ILK: variants seen among roughly 807,000 people sequenced by gnomAD.
The protein encoded by ILK is scaffold protein ILK.
A neutral mutation model predicts 57.8 loss-of-function variants in ILK; 37 were observed. The ratio of observed to expected loss-of-function variants is 0.64; its 90% CI spans 0.49 to 0.84. The LOEUF is 0.84. ILK is among the 40% of genes least tolerant of loss of function. ILK has a pLI of 0.00. For synonymous variants in ILK, 231 were observed against 202.2 expected (o/e 1.14, Z -1.21); for missense variants, 528 against 595.7 (o/e 0.89, Z 1.18).
rs777569798 is a variant in ILK, at chr11:6,608,415, A to G, written c.277A>G (p.Ile93Val). 2.7e-5 allele frequency: 43 copies of G among 1,614,080 alleles called. No homozygotes were observed. Among genetic ancestry groups the G allele is most frequent in the Admixed American group, 8.3e-5 (5 of 60,014 alleles). Reference sequence around the variant, plus strand: ...CCAGCTATTGCAGTACAAGGCAGACATCAATGCAGTGAATGAACACGGGAA... The same window carrying G: ...CCAGCTATTGCAGTACAAGGCAGACGTCAATGCAGTGAATGAACACGGGAA... ...VQKLLQYKAD[I>V]NAVNEHGNVP... Residue 93 changes from isoleucine to valine, a missense_variant, in exon 4 of 13, where the codon ATC becomes GTC. Ile to Val is a conservative substitution (Grantham distance 29). Transcript: ENST00000299421. The surrounding 1 kb of genome is among the most constrained non-coding windows in gnomAD (Gnocchi z 4.9).
chr11:6,605,606 C>T (rs1854817295), intron 2 of ILK, among the ~76,000 whole-genome samples: 1 of 151,620 alleles, frequency 6.6e-6, no homozygotes, highest in Non-Finnish European at 1.5e-5. Flanking sequence ...ATTTCATCAC[C>T]CAGGTATTAA....
Position 6,608,552 on chromosome 11 carries a change from AT to A in ILK, c.351+67del. On this transcript the variant is annotated intron_variant, in intron 4 of 12. Coordinates refer to ENST00000299421, the MANE Select transcript of ILK (RefSeq NM_004517.4). This position sits in a 1 kb window ranked among gnomAD's most constrained non-coding sequence, Gnocchi z 4.9. ...AGTAAAGTCTGAGCCTTGGTGGGAG[AT>A]TTTGGAACCCTCAACCCATTCTGTC... 1 of 1,461,962 alleles carries A rather than the reference AT, an allele frequency of 6.8e-7. No individual in the cohort carries two copies. Among genetic ancestry groups the A allele is most frequent in the Non-Finnish European group, 9.6e-7 (1 of 1,041,574 alleles). The allele number at this position is 1,461,962 out of a possible 1,614,324, so 90.6% of individuals were successfully genotyped here.
chr11:6,609,238 GT>G, intron 7 of ILK, 60 bp from the exon 8 acceptor site: 1 of 1,603,188 alleles, frequency 6.2e-7, no homozygotes, highest in East Asian at 2.2e-5. Flanking sequence ...TTTTCCTCCA[GT>G]TAGTGGGCAA....
intron 2 of ILK, chr11:6,607,234 C>G (rs1159494115): frequency 6.6e-6 from 1 of 152,210 alleles, no homozygotes; most frequent in Non-Finnish European, 1.5e-5. Context: ...AGGCCCAGCT[C>G]CAAACCAATT....
chr11:6,608,423 A>G lies in ILK; in HGVS notation c.285A>G (p.Ala95=). Reference sequence around the variant, plus strand: ...TGCAGTACAAGGCAGACATCAATGCAGTGAATGAACACGGGAATGTGCCCC... The same window carrying G: ...TGCAGTACAAGGCAGACATCAATGCGGTGAATGAACACGGGAATGTGCCCC... The part of the protein sequence containing the change: ...KLLQYKADIN[A]VNEHGNVPLH... The change falls in exon 4 of 13, where the codon GCA becomes GCG. Residue 95 remains alanine (A), a synonymous_variant. Coordinates refer to ENST00000299421, the MANE Select transcript of ILK (RefSeq NM_004517.4). This position sits in a 1 kb window ranked among gnomAD's most constrained non-coding sequence, Gnocchi z 4.9. 1 of 1,614,220 alleles carries G rather than the reference A, an allele frequency of 6.2e-7. No homozygotes were observed. Among genetic ancestry groups the G allele is most frequent in the Non-Finnish European group, 8.5e-7 (1 of 1,180,012 alleles).
chr11:6,604,161 A>G lies in ILK; in HGVS notation c.-92-19A>G, dbSNP rs983781321. Reference sequence around the variant, plus strand: ...AGCTCAGGCCCCCTACCCCCAACACAAACACTTCTCTCCTGTAGAGGATAA... The same window carrying G: ...AGCTCAGGCCCCCTACCCCCAACACGAACACTTCTCTCCTGTAGAGGATAA... On this transcript the variant is annotated intron_variant, in intron 1 of 12. Transcript: ENST00000299421. The G allele has an allele frequency of 9.8e-7, 1 of 1,020,186 alleles. No individual in the cohort carries two copies. The highest frequency in any genetic ancestry group is 1.6e-5 in the African/African-American group (1 of 62,990). The allele number at this position is 1,020,186 out of a possible 1,614,324, so 63.2% of individuals were successfully genotyped here.
Position 6,603,822 on chromosome 11 carries a change from G to T in ILK, c.-93G>T. On this transcript the variant is annotated splice_region_variant and 5_prime_UTR_variant, in exon 1 of 13. Coordinates refer to ENST00000299421, the MANE Select transcript of ILK (RefSeq NM_004517.4). ...AGAAGGATCCTGCAGCCCGAGTCCC[G>T]GTGAGTGCGAGAGGACCCGCGCCCC... is the stretch of plus-strand genomic sequence containing the variant. 1 of 350,206 alleles carries T rather than the reference G, an allele frequency of 2.9e-6. No homozygotes were observed. Among genetic ancestry groups the T allele is most frequent in the South Asian group, 4.6e-5 (1 of 21,682 alleles). The allele number at this position is 350,206 out of a possible 1,614,324, so 21.7% of individuals were successfully genotyped here. A position where few individuals can be genotyped will look rare whatever the true frequency, so the allele number is the denominator to read the frequency against.
rs972394683 is a variant in ILK, at chr11:6,603,791, C to T, written c.-124C>T. The T allele has an allele frequency of 5.5e-6, 2 of 366,554 alleles. No individual in the cohort carries two copies. Among genetic ancestry groups the T allele is most frequent in the East Asian group, 5.1e-5 (1 of 19,580 alleles). The allele number at this position is 366,554 out of a possible 1,614,324, so 22.7% of individuals were successfully genotyped here. On this transcript the variant is annotated 5_prime_UTR_variant, in exon 1 of 13. Coordinates refer to ENST00000299421, the MANE Select transcript of ILK (RefSeq NM_004517.4). The stretch of plus-strand genomic sequence containing the variant: ...CTGCGGGCGCGGCCGGACGGGAGTT[C>T]CCCGGAGAAGGATCCTGCAGCCCGA...
At position 6,610,665 on chromosome 11, in the gene ILK, T is replaced by C. The variant is rs929085162; in HGVS notation, c.*54T>C. The stretch of plus-strand genomic sequence containing the variant: ...AGGTGTCGGGACATGGTTGGGGGAA[T>C]GCACCTCCCCAAAGCAGCAGGCCTC... On this transcript the variant is annotated 3_prime_UTR_variant, in exon 13 of 13. Coordinates refer to ENST00000299421, the MANE Select transcript of ILK (RefSeq NM_004517.4). 12 of 1,606,782 alleles carry C rather than the reference T, an allele frequency of 7.5e-6. No homozygotes were observed. Among genetic ancestry groups the C allele is most frequent in the South Asian group, 4.4e-5 (4 of 90,698 alleles).
In ILK at chr11:6,603,825, G is replaced by T; in HGVS notation, c.-93+3G>T. The T allele has an allele frequency of 2.9e-6, 1 of 349,318 alleles. No homozygotes were observed. The highest frequency in any genetic ancestry group is 4.6e-5 in the South Asian group (1 of 21,666). The allele number at this position is 349,318 out of a possible 1,614,324, so 21.6% of individuals were successfully genotyped here. ...AGGATCCTGCAGCCCGAGTCCCGGT[G>T]AGTGCGAGAGGACCCGCGCCCCCTG... On this transcript the variant is annotated splice_donor_region_variant and intron_variant, in intron 1 of 12. Coordinates refer to ENST00000299421, the MANE Select transcript of ILK (RefSeq NM_004517.4).
At chr11:6,604,116 C>T in intron 1 of ILK, 64 bp from the exon 2 acceptor site, 2 of 703,180 alleles carry the variant, frequency 2.8e-6, no homozygotes, top group Admixed American at 2.1e-5. Context: ...CCTTCACAGA[C>T]CCCCACTAGC....
chr11:6,610,086 G>A (rs189189482), intron 11 of ILK, 51 bp downstream of exon 11: 24 of 1,614,156 alleles, frequency 1.5e-5, no homozygotes, highest in Admixed American at 8.3e-5. Flanking sequence ...CTCAGAAGTA[G>A]TGGAAGGGGG....
At position 6,608,658 on chromosome 11, in the gene ILK, G is replaced by A; in HGVS notation, c.352-36G>A. 2 of 1,543,942 alleles carry A rather than the reference G, an allele frequency of 1.3e-6. No homozygotes were observed. The highest frequency in any genetic ancestry group is 1.8e-6 in the Non-Finnish European group (2 of 1,115,826). ...TGGTTCAGTGACTGCCAGCGAGGTAGCAGTGGCTCTCATCATAATGGCCTT... is the reference window on the plus strand; with the variant it reads ...TGGTTCAGTGACTGCCAGCGAGGTAACAGTGGCTCTCATCATAATGGCCTT... On this transcript the variant is annotated intron_variant, in intron 4 of 12. Transcript: ENST00000299421. This position sits in a 1 kb window ranked among gnomAD's most constrained non-coding sequence, Gnocchi z 4.9.
In ILK at chr11:6,610,730, C is replaced by G; in HGVS notation, c.*119C>G. 5.2e-6 allele frequency: 7 copies of G among 1,356,884 alleles called. No homozygotes were observed. Among genetic ancestry groups the G allele is most frequent in the Non-Finnish European group, 7.3e-6 (7 of 958,790 alleles). 84.1% of individuals were successfully genotyped at this position (1,356,884 alleles called of 1,614,324 possible). ...GCCTCCAGTCATGGTACTACCCCAG[C>G]CATGGGGTCCATCCCCTTCCCCCAT... On this transcript the variant is annotated 3_prime_UTR_variant, in exon 13 of 13. Coordinates refer to ENST00000299421, the MANE Select transcript of ILK (RefSeq NM_004517.4).
chr11:6,607,967 G>A (rs1855094346), intron 2 of ILK, 79 bp from the exon 3 acceptor site: 3 of 1,430,674 alleles, frequency 2.1e-6, no homozygotes, highest in South Asian at 2.3e-5. Flanking sequence ...CAGAGAGTAT[G>A]TAATTATCAG....
chr11:6,609,861 C>T lies in ILK; in HGVS notation c.978+16C>T. On this transcript the variant is annotated intron_variant, in intron 10 of 12. Transcript: ENST00000299421. ...TAGTGTAATGGTGAGGCCACAAGCT[C>T]ACTCCTGGCCCAGGCCCCAAAAGCC... is the stretch of plus-strand genomic sequence containing the variant. 6.2e-7 allele frequency: 1 copy of T among 1,614,234 alleles called. No individual in the cohort carries two copies. Among genetic ancestry groups the T allele is most frequent in the Non-Finnish European group, 8.5e-7 (1 of 1,180,044 alleles).
intron 2 of ILK, among the ~76,000 whole-genome samples, chr11:6,605,557 A>G (rs1854808909): frequency 1.3e-5 from 2 of 151,196 alleles, no homozygotes; most frequent in African/African-American, 4.9e-5. Context: ...GGTTTGTTGG[A>G]TGGGTAAACT....
Position 6,609,420 on chromosome 11 carries a change from C to T in ILK, c.728+12C>T, listed in dbSNP as rs755192549. ...TGTCCCCGGCTCAGGTAGTGCAAGG[C>T]GTAACCTGGAAGCTGCTAGTTCCAA... On this transcript the variant is annotated intron_variant, in intron 8 of 12. Coordinates refer to ENST00000299421, the MANE Select transcript of ILK (RefSeq NM_004517.4). 9.3e-6 allele frequency: 15 copies of T among 1,613,532 alleles called. No homozygotes were observed. The highest frequency in any genetic ancestry group is 1.1e-5 in the Non-Finnish European group (13 of 1,179,612).
chr11:6,609,995 TCCTGGTCGCATGTATGCA>T lies in ILK; in HGVS notation c.1043_1060del (p.Gly348_Pro353del), dbSNP rs773552130. ...CTGATGTCAAGTTCTCTTTCCAATG[TCCTGGTCGCATGTATGCA>T]CCTGCCTGGGTAGCCCCCGAAGGTG... is the stretch of plus-strand genomic sequence containing the variant. On this transcript the variant is annotated inframe_deletion, in exon 11 of 13. Transcript: ENST00000299421. 6.2e-7 allele frequency: 1 copy of T among 1,614,220 alleles called. No individual in the cohort carries two copies. The highest frequency in any genetic ancestry group is 1.1e-5 in the South Asian group (1 of 91,084).
Sources: allele counts gnomAD v4.1 joint callset (sites outside exome capture counted in the v4.1 genomes callset), GRCh38; gene constraint gnomAD v4.1.1; non-coding constraint Gnocchi (gnomAD v3.1); transcripts MANE v1.5; gene names NCBI Gene and HGNC (gene_info 2026-07-23, HGNC 2026-07-21).